NFRKB: variants seen among roughly 807,000 people sequenced by gnomAD.
NFRKB encodes nuclear factor related to kappa-B-binding protein.
Under a neutral mutation model 135.7 loss-of-function variants are expected in NFRKB, and 62 were observed. That is an observed-to-expected ratio of 0.46 (90% CI 0.37 to 0.56). The LOEUF (loss-of-function observed/expected upper bound fraction) is 0.56. Ranked by LOEUF, NFRKB falls within the 20% of genes least tolerant of loss-of-function variation. The pLI, the probability that NFRKB is intolerant of heterozygous loss-of-function variation, is 0.00. For synonymous variants in NFRKB, 678 were observed against 635.6 expected (o/e 1.07, Z -1.00); for missense variants, 1,545 against 1,662.0 (o/e 0.93, Z 1.22).
chr11:129,877,026 T>C (rs1948798277), intron 16 of NFRKB, 131 bp from the exon 17 acceptor site: 14 of 990,266 alleles, frequency 1.4e-5, no homozygotes, highest in Admixed American at 2.7e-5. Flanking sequence ...ATGATTCTAG[T>C]AGGAATGTTC....
chr11:129,890,717 A>T (rs923175281), intron 3 of NFRKB, among the ~76,000 whole-genome samples: 65 of 152,354 alleles, frequency 4.3e-4, no homozygotes, highest in Admixed American at 1.5e-3. Flanking sequence ...TAAGCACTTA[A>T]TAAACGGTAG....
chr11:129,880,752 C>G (rs1332251053), intron 13 of NFRKB, among the ~76,000 whole-genome samples: 1 of 152,206 alleles, frequency 6.6e-6, no homozygotes, highest in Admixed American at 6.5e-5. Context: ...TCTCAGAAGC[C>G]ATTGTGTCCC....
Position 129,874,959 on chromosome 11 carries a change from G to A in NFRKB, c.1855-43C>T, listed in dbSNP as rs373323651. ...GGAAATAAGAAACAAGTCAAGCTTA[G>A]ATAACAGAAGTTATTTGAACTCTAG... On this transcript the variant is annotated intron_variant, in intron 18 of 26. Coordinates refer to ENST00000682444, the MANE Select transcript of NFRKB (RefSeq NM_001143835.2). The surrounding 1 kb of genome is among the most constrained non-coding windows in gnomAD (Gnocchi z 4.5). The A allele has an allele frequency of 1.5e-5, 24 of 1,609,810 alleles. No individual in the cohort carries two copies. The highest frequency in any genetic ancestry group is 2.0e-5 in the Non-Finnish European group (24 of 1,176,950).
Position 129,874,730 on chromosome 11 carries a change from T to A in NFRKB, c.1978+63A>T, listed in dbSNP as rs1948682095. The A allele has an allele frequency of 1.9e-6, 3 of 1,612,664 alleles. No homozygotes were observed. The highest frequency in any genetic ancestry group is 2.2e-5 in the South Asian group (2 of 91,032). On this transcript the variant is annotated intron_variant, in intron 19 of 26. Coordinates refer to ENST00000682444, the MANE Select transcript of NFRKB (RefSeq NM_001143835.2). The surrounding 1 kb of genome is among the most constrained non-coding windows in gnomAD (Gnocchi z 4.5). Reference sequence around the variant, plus strand: ...TATGCCAATGAAAAGAATAATGGAATTGGGGTAGAAAGTCAGAACGTATCC... The same window carrying A: ...TATGCCAATGAAAAGAATAATGGAAATGGGGTAGAAAGTCAGAACGTATCC...
At position 129,873,092 on chromosome 11, in the gene NFRKB, A is replaced by G. The variant is rs1419899774; in HGVS notation, c.2555T>C (p.Val852Ala). ...CGCTTTGACGGGCACAGTGGCCATT[A>G]CTGTCTAGTTGAGGGCATGAGGCCA... ...ATQTKVVPQT[V>A]MATVPVKAQT... The change falls in exon 23 of 27, where the codon GTA becomes GCA. Residue 852 changes from valine to alanine, a missense_variant. This residue lies in a region of NFRKB where 753 missense variants were observed against 804.3 expected (regional missense o/e 0.94). Coordinates refer to ENST00000682444, the MANE Select transcript of NFRKB (RefSeq NM_001143835.2). 4.4e-6 allele frequency: 7 copies of G among 1,602,778 alleles called. No homozygotes were observed. In the South Asian group the frequency reaches 7.8e-5, roughly 18 times the overall value.
rs369907885 is a variant in NFRKB, at chr11:129,886,253, G to A, written c.465+64C>T. On this transcript the variant is annotated intron_variant, in intron 5 of 26. Coordinates refer to ENST00000682444, the MANE Select transcript of NFRKB (RefSeq NM_001143835.2). ...AATTTTTGTGTTTTGCACCTGAATTGCTTCTTGAAGTCATGATACCTGTGA... is the reference window on the plus strand; with the variant it reads ...AATTTTTGTGTTTTGCACCTGAATTACTTCTTGAAGTCATGATACCTGTGA... 106 of 1,547,006 alleles carry A rather than the reference G, an allele frequency of 6.9e-5. 1 individual carries two copies. In the Middle Eastern group the frequency reaches 1.7e-3, roughly 25 times the overall value.
Position 129,873,935 on chromosome 11 carries a change from G to T in NFRKB, c.2360C>A (p.Ser787Tyr), listed in dbSNP as rs370572870. ...GCTCACGACCCGGGCGGCAGCCTGA[G>T]AACTGGGTGCAGTCTGGCTGGAAGC... ...SPASSQTAPS[S>Y]QAAARVVSHS... The change falls in exon 22 of 27, where the codon TCT becomes TAT. Residue 787 changes from serine to tyrosine, a missense_variant. Physicochemically the swap from Ser to Tyr is moderately radical, Grantham distance 144. Transcript: ENST00000682444. The T allele has an allele frequency of 4.2e-5, 67 of 1,613,284 alleles. No individual in the cohort carries two copies. The Admixed American group carries it at 1.0e-3, about 25-fold the overall frequency.
chr11:129,889,943 T>A (rs916225019), intron 3 of NFRKB, among the ~76,000 whole-genome samples: 1 of 133,436 alleles, frequency 7.5e-6, no homozygotes, highest in Admixed American at 8.0e-5. Flanking sequence ...CGTTTTATTA[T>A]TGTCTTACGT....
At chr11:129,881,365 T>C (rs1949017033) in intron 13 of NFRKB, 78 bp downstream of exon 13, 10 of 1,435,800 alleles carry the variant, frequency 7.0e-6, no homozygotes, top group East Asian at 2.3e-5. Context: ...AGGACTATAT[T>C]GACTGGAAGG....
At position 129,869,642 on chromosome 11, in the gene NFRKB, G is replaced by A. The variant is rs752723779; in HGVS notation, c.3383C>T (p.Ala1128Val). The A allele has an allele frequency of 1.5e-5, 25 of 1,614,084 alleles. No individual in the cohort carries two copies. Among genetic ancestry groups the A allele is most frequent in the Admixed American group, 3.3e-5 (2 of 60,002 alleles). The change falls in exon 24 of 27, where the codon GCG (alanine) becomes GTG (valine). Residue 1128 changes from alanine to valine, a missense_variant. By Grantham distance (64) the Ala-to-Val change is moderately conservative (BLOSUM62 0). Transcript: ENST00000682444. The part of the protein sequence containing the change: ...ASGSGTVHTS[A>V]VSLPSMNAAV... ...AGCATTCATACTGGGTAAGGACACC[G>A]CTGAAGTATGGACAGTTCCAGACCC... is the stretch of plus-strand genomic sequence containing the variant.
rs1047337662 is a variant in NFRKB, at chr11:129,878,695, C to T, written c.1385-152G>A. On this transcript the variant is annotated intron_variant, in intron 13 of 26. Coordinates refer to ENST00000682444, the MANE Select transcript of NFRKB (RefSeq NM_001143835.2). ...CACACATCCACTGCCTTCCAGCTGG[C>T]GGAAGTCAGCCTGGACCACCACTCT... 3.2e-5 allele frequency: 22 copies of T among 687,608 alleles called. No homozygotes were observed. In the East Asian group the frequency reaches 3.9e-4, roughly 12 times the overall value. 42.6% of individuals were successfully genotyped at this position (687,608 alleles called of 1,614,324 possible).
chr11:129,879,446 A>C (rs557421714), intron 13 of NFRKB, among the ~76,000 whole-genome samples: 1 of 151,930 alleles, frequency 6.6e-6, no homozygotes, highest in African/African-American at 2.4e-5. Context: ...CATCACCTTC[A>C]GCTCACGGTG....
Position 129,874,933 on chromosome 11 carries a change from G to A in NFRKB, c.1855-17C>T. ...TGTATTTACCTACAAATCAGACAAAGGGAAATAAGAAACAAGTCAAGCTTA... is the reference window on the plus strand; with the variant it reads ...TGTATTTACCTACAAATCAGACAAAAGGAAATAAGAAACAAGTCAAGCTTA... On this transcript the variant is annotated splice_polypyrimidine_tract_variant and intron_variant, in intron 18 of 26. Transcript: ENST00000682444. The surrounding 1 kb of genome is among the most constrained non-coding windows in gnomAD (Gnocchi z 4.5). 6.2e-7 allele frequency: 1 copy of A among 1,613,570 alleles called. No homozygotes were observed. The highest frequency in any genetic ancestry group is 8.5e-7 in the Non-Finnish European group (1 of 1,179,646).
intron 23 of NFRKB, among the ~76,000 whole-genome samples, chr11:129,872,102 C>A (rs1948538381): frequency 6.6e-6 from 1 of 152,146 alleles, no homozygotes; most frequent in Admixed American, 6.5e-5. Flanking sequence ...CCCAGAGAGG[C>A]CTTCTCCAAT....
rs1211229389 is a variant in NFRKB at position 129,872,737 on chromosome 11, A to G, written c.2763+147T>C. 7 of 738,542 alleles carry G rather than the reference A, an allele frequency of 9.5e-6. No homozygotes were observed. The African/African-American group carries it at 1.2e-4, about 13-fold the overall frequency. 45.7% of individuals were successfully genotyped at this position (738,542 alleles called of 1,614,324 possible). A position where few individuals can be genotyped will look rare whatever the true frequency, so the allele number is the denominator to read the frequency against. The stretch of plus-strand genomic sequence containing the variant: ...CTGCACTGCCTTTGCCTTTGGTGGG[A>G]ACTCACACCTAAGTATCTATAAGCT... On this transcript the variant is annotated intron_variant, in intron 23 of 26. Coordinates refer to ENST00000682444, the MANE Select transcript of NFRKB (RefSeq NM_001143835.2).
intron 3 of NFRKB, among the ~76,000 whole-genome samples, 193 bp from the exon 4 acceptor site, chr11:129,888,988 TTTTC>T (rs1420250439): frequency 6.6e-6 from 1 of 152,118 alleles, no homozygotes; most frequent in Non-Finnish European, 1.5e-5. Context: ...ATTTTTTTTT[TTTTC>T]TTTTTGAGAC....
chr11:129,882,027 T>G (rs1274711272), intron 11 of NFRKB, 59 bp downstream of exon 11: 3 of 1,494,484 alleles, frequency 2.0e-6, no homozygotes, highest in Admixed American at 4.4e-5. Flanking sequence ...CTATAGACCA[T>G]TCAGGATTTG....
In NFRKB at chr11:129,873,924, C is replaced by T. The variant is rs757983266; in HGVS notation, c.2371G>A (p.Ala791Thr). 3.0e-5 allele frequency: 49 copies of T among 1,613,392 alleles called. No homozygotes were observed. Among genetic ancestry groups the T allele is most frequent in the South Asian group, 1.6e-4 (15 of 91,084 alleles). ...SQTAPSSQAA[A>T]RVVSHSGSAG... ...GAGCCAGAGTGGCTCACGACCCGGG[C>T]GGCAGCCTGAGAACTGGGTGCAGTC... Residue 791 changes from alanine to threonine, a missense_variant, in exon 22 of 27, where the codon GCC (alanine) becomes ACC (threonine). By Grantham distance (58) the Ala-to-Thr change is moderately conservative. Coordinates refer to ENST00000682444, the MANE Select transcript of NFRKB (RefSeq NM_001143835.2).
In NFRKB at chr11:129,893,503, T is replaced by G. The variant is rs530220614; in HGVS notation, c.-21-633A>C. ...TGAACACGAGATGCAGAGGGTACAA[T>G]AAGCCGTGATCACGCTACTGCACTC... is the stretch of plus-strand genomic sequence containing the variant. On this transcript the variant is annotated intron_variant, in intron 2 of 26. Coordinates refer to ENST00000682444, the MANE Select transcript of NFRKB (RefSeq NM_001143835.2). 6.2e-5 allele frequency: 12 copies of G among 192,636 alleles called. No individual in the cohort carries two copies. In the East Asian group the frequency reaches 1.5e-3, roughly 23 times the overall value. The allele number at this position is 192,636 out of a possible 1,614,324, so 11.9% of individuals were successfully genotyped here.
Sources: gnomAD v4.1 joint callset for allele counts (sites outside exome capture counted in the v4.1 genomes callset) on GRCh38, gnomAD v4.1.1 for gene constraint, gnomAD v4.1.1 regional missense constraint, Gnocchi (gnomAD v3.1) non-coding constraint, MANE v1.5 for transcripts, NCBI Gene and HGNC (gene_info 2026-07-23, HGNC 2026-07-21) for gene names.